CLIC5: variants seen among roughly 807,000 people sequenced by gnomAD.
The protein encoded by CLIC5 is CLIC family member 5.
Under a neutral mutation model 24.7 loss-of-function variants are expected in CLIC5, and 20 were observed. That is an observed-to-expected ratio of 0.81 (90% confidence interval 0.57 to 1.18). The LOEUF (loss-of-function observed/expected upper bound fraction) is 1.18, where lower values mean the gene tolerates loss of function less well. Ranked by LOEUF, CLIC5 falls within the 50% of genes most tolerant of loss-of-function variation. The pLI is 0.00. For synonymous variants in CLIC5, 159 were observed against 135.6 expected, an observed-to-expected ratio of 1.17 and a Z score of -1.20; for missense variants, 341 against 326.1, an observed-to-expected ratio of 1.05 and a Z score of -0.35.
rs199808624 is a variant in CLIC5, at chr6:45,949,302, C to T, written c.253G>A (p.Val85Ile). The change falls in exon 3 of 6, where the codon GTC (valine) becomes ATC (isoleucine). Residue 85 changes from valine (V) to isoleucine (I), a missense_variant. Val to Ile is a conservative substitution (Grantham distance 29). Coordinates refer to ENST00000339561, the MANE Select transcript of CLIC5 (RefSeq NM_016929.5). ...LTFNGDVKTD[V>I]NKIEEFLEET... Reference sequence around the variant, plus strand: ...TCCAGGAACTCCTCGATCTTATTGACGTCTGTCTTCACGTCCCCGTTGAAG... The same window carrying T: ...TCCAGGAACTCCTCGATCTTATTGATGTCTGTCTTCACGTCCCCGTTGAAG... The T allele has an allele frequency of 1.0e-4, 165 of 1,613,966 alleles. No homozygotes were observed. In the African/African-American group the frequency reaches 1.7e-3, roughly 16 times the overall value.
chr6:45,994,115 A>G (rs1766041267), intron 1 of CLIC5, among the ~76,000 whole-genome samples: 1 of 152,144 alleles, frequency 6.6e-6, no homozygotes, highest in African/African-American at 2.4e-5. Context: ...TATCCCCACC[A>G]AGACCACATC....
chr6:46,008,742 A>T (rs990602553), intron 1 of CLIC5, among the ~76,000 whole-genome samples: 1 of 152,244 alleles, frequency 6.6e-6, no homozygotes, highest in Admixed American at 6.5e-5. Context: ...GAAAAGAAAA[A>T]TTACAAAAGA....
intron 1 of CLIC5, among the ~76,000 whole-genome samples, chr6:46,002,190 T>C (rs1766387676): frequency 6.6e-6 from 1 of 152,276 alleles, no homozygotes; most frequent in Admixed American, 6.5e-5. Flanking sequence ...TAAATTTCTT[T>C]AGATTTATTG....
the CLIC5 span, among the ~76,000 whole-genome samples, chr6:46,127,182 G>T: frequency 6.6e-6 from 1 of 151,996 alleles, no homozygotes. Flanking sequence ...TCCAGTCAGG[G>T]TATTTAGGGT....
the CLIC5 span, among the ~76,000 whole-genome samples, chr6:46,085,382 G>A: frequency 3.3e-4 from 50 of 152,236 alleles, no homozygotes; most frequent in African/African-American, 1.1e-3. Context: ...TTTCTGCTCC[G>A]TTTTTTCCCC....
At chr6:46,006,681 CT>C (rs34501921) in intron 1 of CLIC5, among the ~76,000 whole-genome samples, 5,106 of 138,772 alleles carry the variant, frequency 0.037, 70 homozygotes, top group Middle Eastern at 0.059. Context: ...CTTTTTTTTC[CT>C]TTTTTTTTTT....
chr6:45,958,962 A>G (rs898483000), intron 1 of CLIC5, among the ~76,000 whole-genome samples: 1 of 57,514 alleles, frequency 1.7e-5, no homozygotes, highest in Non-Finnish European at 4.5e-5. Context: ...ACATGCATAC[A>G]TACTACATAC....
chr6:46,025,388 G>A (rs80281530), intron 1 of CLIC5, among the ~76,000 whole-genome samples: 5,993 of 152,266 alleles, frequency 0.039, 169 homozygotes, highest in Non-Finnish European at 0.064. Flanking sequence ...GTATGCGGGA[G>A]CTACTATTGT....
At chr6:45,996,472 G>T (rs974490889) in intron 1 of CLIC5, among the ~76,000 whole-genome samples, 1 of 152,070 alleles carries the variant, frequency 6.6e-6, no homozygotes, top group Non-Finnish European at 1.5e-5. Flanking sequence ...GGGTTTTTAT[G>T]GTTTTAGGTC....
intron 4 of CLIC5, among the ~76,000 whole-genome samples, chr6:45,922,926 T>G (rs893019786): frequency 2.0e-5 from 3 of 151,696 alleles, no homozygotes; most frequent in Non-Finnish European, 4.4e-5. Context: ...AAGTTCTGGT[T>G]AGGGAACCCG....
intron 3 of CLIC5, among the ~76,000 whole-genome samples, chr6:45,947,718 T>A (rs1028831347): frequency 6.6e-6 from 1 of 152,156 alleles, no homozygotes; most frequent in Middle Eastern, 3.2e-3. Flanking sequence ...GTGCTAGCAA[T>A]GAGGTTGAGT....
At chr6:46,108,401 T>TGTGTGAGA in the CLIC5 span, among the ~76,000 whole-genome samples, 1 of 141,672 alleles carries the variant, frequency 7.1e-6, no homozygotes, top group African/African-American at 2.6e-5. Context: ...TGTGTGTGTG[T>TGTGTGAGA]GAGAGAGAGA....
At chr6:46,098,933 G>C in the CLIC5 span, among the ~76,000 whole-genome samples, 2 of 152,232 alleles carry the variant, frequency 1.3e-5, no homozygotes, top group African/African-American at 4.8e-5. Flanking sequence ...CTGGCCCTGA[G>C]AAGCTTACAG....
chr6:46,011,102 T>C (rs1287943086), intron 1 of CLIC5, among the ~76,000 whole-genome samples: 3 of 152,204 alleles, frequency 2.0e-5, no homozygotes, highest in Admixed American at 6.5e-5. Context: ...GTCGTTTCCA[T>C]CAGACAATTA....
intron 4 of CLIC5, chr6:45,920,489 G>T: frequency 3.1e-6 from 1 of 318,254 alleles, no homozygotes; most frequent in Non-Finnish European, 4.5e-6. Context: ...GTACAGTGGT[G>T]GTTTGAGAAA....
At chr6:45,980,118 G>T (rs1318660401) in intron 1 of CLIC5, among the ~76,000 whole-genome samples, 1 of 151,978 alleles carries the variant, frequency 6.6e-6, no homozygotes, top group African/African-American at 2.4e-5. Context: ...TTCTGCATAT[G>T]GCCAGCCTGT....
the CLIC5 span, among the ~76,000 whole-genome samples, chr6:46,095,384 T>C: frequency 3.3e-5 from 5 of 152,242 alleles, no homozygotes; most frequent in East Asian, 7.7e-4. Context: ...TTTTATGCTC[T>C]GCTTCCCTTT....
chr6:46,021,056 G>A (rs532615190), intron 1 of CLIC5, among the ~76,000 whole-genome samples: 31 of 125,210 alleles, frequency 2.5e-4, no homozygotes, highest in African/African-American at 8.6e-4. Context: ...TGAAGGACTT[G>A]TATCCAGGAT....
chr6:46,069,402 C>T (rs1327523911), intron 1 of CLIC5, among the ~76,000 whole-genome samples: 2 of 151,986 alleles, frequency 1.3e-5, no homozygotes, highest in African/African-American at 2.4e-5. Context: ...CACAGGAATA[C>T]AAATAACTAT....
Sources: gnomAD v4.1 joint callset for allele counts (sites outside exome capture counted in the v4.1 genomes callset) on GRCh38, gnomAD v4.1.1 for gene constraint, MANE v1.5 for transcripts, NCBI Gene and HGNC (gene_info 2026-07-23, HGNC 2026-07-21) for gene names.